Variants in SORCS2 observed in about 807,000 individuals in gnomAD.
SORCS2 encodes the protein sortilin related VPS10 domain containing receptor 2.
Under a neutral mutation model 141.6 loss-of-function variants are expected in SORCS2, and 100 were observed. The ratio of observed to expected loss-of-function variants is 0.71; its 90% CI spans 0.60 to 0.83. The LOEUF is 0.83. Among genes scored for constraint, SORCS2 ranks in the 40% least tolerant of loss-of-function variants. SORCS2 has a pLI of 0.00. For synonymous variants in SORCS2, 789 were observed against 676.9 expected, an observed-to-expected ratio of 1.17 and a Z score of -2.57; for missense variants, 1,646 against 1,560.2, an observed-to-expected ratio of 1.05 and a Z score of -0.93.
At chr4:7,277,315 G>T (rs1715565937) in intron 1 of SORCS2, among the ~76,000 whole-genome samples, 1 of 152,190 alleles carries the variant, frequency 6.6e-6, no homozygotes, top group African/African-American at 2.4e-5. Flanking sequence ...GGCTGCAAAT[G>T]GTCATCCCTA....
At chr4:7,558,909 C>A (rs1467773532) in intron 3 of SORCS2, among the ~76,000 whole-genome samples, 1 of 152,200 alleles carries the variant, frequency 6.6e-6, no homozygotes, top group African/African-American at 2.4e-5. Flanking sequence ...CATGGCTAAC[C>A]TCCGAGGACC....
intron 2 of SORCS2, among the ~76,000 whole-genome samples, chr4:7,474,727 G>T (rs977055988): frequency 1.3e-5 from 2 of 152,216 alleles, no homozygotes; most frequent in Non-Finnish European, 2.9e-5. Context: ...AGTTCCAGAA[G>T]TCTCTGTCTT....
chr4:7,693,499 T>A (rs1386559560), intron 11 of SORCS2, among the ~76,000 whole-genome samples: 2 of 152,204 alleles, frequency 1.3e-5, no homozygotes, highest in East Asian at 3.9e-4. Context: ...ATGCTGTGGG[T>A]GCCCCAGGTG....
At chr4:7,632,959 C>T (rs866793636) in intron 3 of SORCS2, among the ~76,000 whole-genome samples, 3 of 152,096 alleles carry the variant, frequency 2.0e-5, no homozygotes, top group East Asian at 1.9e-4. Context: ...ACAGGGTGCT[C>T]AACAAGCAGA....
intron 1 of SORCS2, among the ~76,000 whole-genome samples, chr4:7,253,845 C>T (rs1041489500): frequency 1.3e-5 from 2 of 152,246 alleles, no homozygotes; most frequent in Non-Finnish European, 1.5e-5. Flanking sequence ...TTTGCCTCTT[C>T]CTGCAGCTAG....
In SORCS2 at chr4:7,704,046, G is replaced by T. The variant is rs966243967; in HGVS notation, c.1761-131G>T. On this transcript the variant is annotated intron_variant, in intron 13 of 26. Transcript: ENST00000507866. ...ATGAGCAGATGTGACATAAGCAGATGTGGTATCACCTGCACTGGCAAGGTT... is the reference window on the plus strand; with the variant it reads ...ATGAGCAGATGTGACATAAGCAGATTTGGTATCACCTGCACTGGCAAGGTT... The T allele has an allele frequency of 1.1e-5, 8 of 720,352 alleles. No individual in the cohort carries two copies. In the East Asian group the frequency reaches 1.6e-4, roughly 15 times the overall value. The allele number at this position is 720,352 out of a possible 1,614,324, so 44.6% of individuals were successfully genotyped here.
chr4:7,231,607 G>T (rs1711894449), intron 1 of SORCS2, among the ~76,000 whole-genome samples: 1 of 152,188 alleles, frequency 6.6e-6, no homozygotes, highest in Non-Finnish European at 1.5e-5. Context: ...TCTACACTGT[G>T]TGGTGCACTG....
intron 1 of SORCS2, among the ~76,000 whole-genome samples, chr4:7,367,636 C>T (rs4689711): frequency 0.25 from 37,658 of 152,210 alleles, 4,974 homozygotes; most frequent in East Asian, 0.45. Context: ...GATTTGCCCC[C>T]ATGGGGAAGC....
At position 7,523,089 on chromosome 4, in the gene SORCS2, CCCTCCTCCCTCTG is replaced by C. The variant is rs71589603; in HGVS notation, c.549-8417_549-8405del. ...TCCCCTTTCCTTCCTCTTCCCATTT[CCCTCCTCCCTCTG>C]CCTCCTCCCTCTGCCTCCTCCCTTT... On this transcript the variant is annotated intron_variant, in intron 2 of 26. Transcript: ENST00000507866. Among the ~76,000 whole-genome samples the C allele has an allele frequency of 1.4e-3, 195 of 141,716 alleles. 1 individual carries two copies. Among genetic ancestry groups the C allele is most frequent in the African/African-American group, 4.2e-3 (159 of 37,656 alleles). 93.0% of individuals were successfully genotyped at this position (141,716 alleles called of 152,430 possible).
At chr4:7,435,454 G>C (rs958997295) in intron 2 of SORCS2, among the ~76,000 whole-genome samples, 2 of 152,240 alleles carry the variant, frequency 1.3e-5, no homozygotes, top group Non-Finnish European at 2.9e-5. Flanking sequence ...TTCTGCCCCT[G>C]GCTGTGCTGT....
At chr4:7,523,407 C>T (rs183726308) in intron 2 of SORCS2, among the ~76,000 whole-genome samples, 12 of 152,286 alleles carry the variant, frequency 7.9e-5, no homozygotes, top group East Asian at 3.9e-4. Context: ...CAAAGGAATC[C>T]AACAAGCATT....
In SORCS2 at chr4:7,715,306, C is replaced by T; in HGVS notation, c.2247C>T (p.Ser749=). 1.2e-6 allele frequency: 2 copies of T among 1,614,010 alleles called. No homozygotes were observed. Among genetic ancestry groups the T allele is most frequent in the Non-Finnish European group, 1.7e-6 (2 of 1,179,878 alleles). ...DCALGQTYTS[S]LGYRKVVSNV... is the part of the protein sequence containing the mutation. ...CCCTGGGCCAGACCTACACCAGCAG[C>T]CTTGGGTGAGTGTGGGTGCGGGCCT... The change falls in exon 17 of 27, where the codon AGC becomes AGT. Residue 749 remains serine (S), a synonymous_variant. Transcript: ENST00000507866.
intron 9 of SORCS2, among the ~76,000 whole-genome samples, chr4:7,680,752 C>T (rs1455233935): frequency 6.6e-6 from 1 of 152,190 alleles, no homozygotes; most frequent in Non-Finnish European, 1.5e-5. Flanking sequence ...GTTGATAAGA[C>T]CTGGTGGGTC....
At chr4:7,384,691 C>T (rs991904756) in intron 1 of SORCS2, among the ~76,000 whole-genome samples, 8 of 152,170 alleles carry the variant, frequency 5.3e-5, no homozygotes, top group Non-Finnish European at 1.2e-4. Flanking sequence ...CACCTCCTTC[C>T]TGGCTGACCC....
Position 7,697,192 on chromosome 4 carries a change from G to T in SORCS2, c.1592-6G>T. ...GGGTAGTACTGCCCCTTTTCTTTTG[G>T]ACCAGGTAACCTGGGCTCACAGCTG... On this transcript the variant is annotated splice_region_variant and splice_polypyrimidine_tract_variant and intron_variant, in intron 11 of 26. Coordinates refer to ENST00000507866, the MANE Select transcript of SORCS2 (RefSeq NM_020777.3). The T allele has an allele frequency of 6.4e-7, 1 of 1,574,072 alleles. No homozygotes were observed. Among genetic ancestry groups the T allele is most frequent in the Non-Finnish European group, 8.6e-7 (1 of 1,159,532 alleles).
At chr4:7,625,722 G>A (rs1385339301) in intron 3 of SORCS2, among the ~76,000 whole-genome samples, 1 of 151,790 alleles carries the variant, frequency 6.6e-6, no homozygotes, top group Non-Finnish European at 1.5e-5. Context: ...GATGAAGGAA[G>A]GAGAGAAGGA....
intron 2 of SORCS2, among the ~76,000 whole-genome samples, chr4:7,497,740 G>A (rs983911641): frequency 2.0e-5 from 3 of 152,248 alleles, no homozygotes; most frequent in Admixed American, 6.5e-5. Flanking sequence ...GGGAAACGGA[G>A]GATCCACAAG....
rs75907556 is a variant in SORCS2, at chr4:7,345,091, G to C, written c.481-51197G>C. Among the ~76,000 whole-genome samples, 2,193 of 152,250 alleles carry C rather than the reference G, an allele frequency of 0.014. 90 individuals are homozygous for C. In the East Asian group the frequency reaches 0.15, roughly 10 times the overall value. ...CCAGGGACTTGGATGGATTAGAGGG[G>C]GAAGGATTTTACCTTGTGATGAAAA... is the stretch of plus-strand genomic sequence containing the variant. On this transcript the variant is annotated intron_variant, in intron 1 of 26. Transcript: ENST00000507866.
intron 11 of SORCS2, 79 bp from the exon 12 acceptor site, chr4:7,697,118 GT>G: frequency 7.7e-7 from 1 of 1,294,292 alleles, no homozygotes; most frequent in Non-Finnish European, 1.1e-6. Flanking sequence ...GTTGCTTGAG[GT>G]TTTTCCATGC....
Sources: allele counts gnomAD v4.1 joint callset (sites outside exome capture counted in the v4.1 genomes callset), GRCh38; gene constraint gnomAD v4.1.1; transcripts MANE v1.5; gene names NCBI Gene and HGNC (gene_info 2026-07-23, HGNC 2026-07-21).